NTNG1: variants seen among roughly 807,000 people sequenced by gnomAD.
The protein encoded by NTNG1 is netrin G1, also known as netrin-G1.
NTNG1 carries 16 observed loss-of-function variants against 54.0 expected under a neutral mutation model. That is an observed-to-expected ratio of 0.30 (90% CI 0.20 to 0.45). The LOEUF is 0.45. NTNG1 is among the 20% of genes least tolerant of loss of function. The probability of loss-of-function intolerance (pLI) is 1.00; values close to 1 mark genes in which losing one functional copy is unlikely to be tolerated. For missense variants in NTNG1, 530 were observed against 678.7 expected (o/e 0.78, Z 2.43); for synonymous variants, 255 against 263.1 (o/e 0.97, Z 0.30).
rs919783781 is a variant in NTNG1, at chr1:107,153,961, G to A, written c.246+5122G>A. Among the ~76,000 whole-genome samples the A allele has an allele frequency of 2.6e-5, 4 of 152,156 alleles. No homozygotes were observed. In the South Asian group the frequency reaches 6.2e-4, roughly 24 times the overall value. On this transcript the variant is annotated intron_variant, in intron 2 of 7. Transcript: ENST00000370068. ...TCATTTATTGTCCCAGATAGTGTGC[G>A]TAAGTGCTCTTTGTTGAGCTAATGC... is the stretch of plus-strand genomic sequence containing the variant.
chr1:107,148,483 C>A lies in NTNG1; in HGVS notation c.-111C>A, dbSNP rs1654303625. On this transcript the variant is annotated 5_prime_UTR_variant, in exon 2 of 8. Coordinates refer to ENST00000370068, the MANE Select transcript of NTNG1 (RefSeq NM_001113226.3). Reference sequence around the variant, plus strand: ...TTTAAAAAAAAATACAGAGACCTACCTACCCGTACGCATACATACATATGT... The same window carrying A: ...TTTAAAAAAAAATACAGAGACCTACATACCCGTACGCATACATACATATGT... 2.0e-6 allele frequency: 2 copies of A among 992,388 alleles called. No individual in the cohort carries two copies. Among genetic ancestry groups the A allele is most frequent in the Admixed American group, 2.3e-5 (1 of 43,842 alleles). 61.5% of individuals were successfully genotyped at this position (992,388 alleles called of 1,614,324 possible). A position where few individuals can be genotyped will look rare whatever the true frequency, so the allele number is the denominator to read the frequency against.
At chr1:107,376,615 A>G (rs944046567) in intron 3 of NTNG1, among the ~76,000 whole-genome samples, 1 of 152,028 alleles carries the variant, frequency 6.6e-6, no homozygotes, top group Admixed American at 6.6e-5. Flanking sequence ...TCAACTTTAG[A>G]ATTTACACTG....
At chr1:107,149,076 G>A (rs1654358418) in intron 2 of NTNG1, among the ~76,000 whole-genome samples, 1 of 152,012 alleles carries the variant, frequency 6.6e-6, no homozygotes, top group South Asian at 2.1e-4. Context: ...AAAACCTATA[G>A]TTTCACTGAG....
At chr1:107,282,746 A>G (rs979065127) in intron 2 of NTNG1, among the ~76,000 whole-genome samples, 3 of 152,154 alleles carry the variant, frequency 2.0e-5, no homozygotes, top group Non-Finnish European at 2.9e-5. Flanking sequence ...AAATTCCTGG[A>G]ATGGCCTAGT....
chr1:107,464,174 T>C lies in NTNG1; in HGVS notation c.1391-16437T>C, dbSNP rs112804416. Reference sequence around the variant, plus strand: ...CTTGTTGCCCATCTTGTGAATCTTTTCTTTCTTCGCAATCTGTGAATAAAC... The same window carrying C: ...CTTGTTGCCCATCTTGTGAATCTTTCCTTTCTTCGCAATCTGTGAATAAAC... On this transcript the variant is annotated intron_variant, in intron 7 of 7. Transcript: ENST00000370068. Among the ~76,000 whole-genome samples, 1,056 of 152,340 alleles carry C rather than the reference T, an allele frequency of 6.9e-3. 16 individuals are homozygous for C. Among genetic ancestry groups the C allele is most frequent in the African/African-American group, 0.023 (974 of 41,572 alleles).
intron 3 of NTNG1, among the ~76,000 whole-genome samples, chr1:107,332,056 C>T (rs148990178): frequency 1.8e-4 from 27 of 151,754 alleles, no homozygotes; most frequent in African/African-American, 5.5e-4. Flanking sequence ...AAGACTTTAT[C>T]GTATGCACCC....
intron 3 of NTNG1, among the ~76,000 whole-genome samples, chr1:107,364,894 A>G (rs1413810858): frequency 6.6e-6 from 1 of 152,200 alleles, no homozygotes; most frequent in Non-Finnish European, 1.5e-5. Context: ...TTTGTCTCCC[A>G]GTCCTCATTC....
At chr1:107,152,157 T>C (rs1294201947) in intron 2 of NTNG1, among the ~76,000 whole-genome samples, 2 of 152,112 alleles carry the variant, frequency 1.3e-5, no homozygotes, top group Admixed American at 1.3e-4. Context: ...TATATTCCTT[T>C]TGAGTTGATG....
chr1:107,270,506 T>G (rs1664070619), intron 2 of NTNG1, among the ~76,000 whole-genome samples: 1 of 152,194 alleles, frequency 6.6e-6, no homozygotes, highest in Non-Finnish European at 1.5e-5. Flanking sequence ...ATGATAGAAA[T>G]AAACAATTCC....
At chr1:107,234,883 C>A (rs868274622) in intron 2 of NTNG1, among the ~76,000 whole-genome samples, 16 of 152,128 alleles carry the variant, frequency 1.1e-4, no homozygotes, top group African/African-American at 1.9e-4. Flanking sequence ...ATGCATGGAA[C>A]AAGGGGACAG....
intron 7 of NTNG1, among the ~76,000 whole-genome samples, chr1:107,469,823 A>G (rs1401452527): frequency 2.6e-5 from 4 of 152,240 alleles, no homozygotes; most frequent in Non-Finnish European, 4.4e-5. Context: ...GACAGCAACA[A>G]TAAACAGGTA....
chr1:107,321,749 G>C (rs756044777), intron 2 of NTNG1, among the ~76,000 whole-genome samples: 14 of 152,038 alleles, frequency 9.2e-5, no homozygotes, highest in Non-Finnish European at 1.8e-4. Context: ...AGAAGATTAG[G>C]CTGTGTTTCC....
intron 2 of NTNG1, among the ~76,000 whole-genome samples, chr1:107,251,251 T>C (rs1349778297): frequency 6.6e-6 from 1 of 152,186 alleles, no homozygotes; most frequent in Non-Finnish European, 1.5e-5. Context: ...AAGGCTGAAA[T>C]GTGCATAATA....
intron 2 of NTNG1, among the ~76,000 whole-genome samples, chr1:107,153,507 T>A (rs1654744683): frequency 6.6e-6 from 1 of 152,222 alleles, no homozygotes; most frequent in South Asian, 2.1e-4. Flanking sequence ...AAAATGGAAT[T>A]TTTAAAAACC....
chr1:107,376,810 C>T (rs530607442), intron 3 of NTNG1, among the ~76,000 whole-genome samples: 1 of 152,236 alleles, frequency 6.6e-6, no homozygotes, highest in East Asian at 1.9e-4. Flanking sequence ...TTTTGCTGCC[C>T]CCCCAGCCAC....
intron 5 of NTNG1, chr1:107,430,534 CT>C (rs2101326180): frequency 1.5e-6 from 1 of 672,944 alleles, no homozygotes; most frequent in Non-Finnish European, 2.7e-6. Context: ...AATCTTCAGT[CT>C]TGTTCCGAAT....
intron 2 of NTNG1, among the ~76,000 whole-genome samples, chr1:107,321,492 A>G (rs1667658303): frequency 6.6e-6 from 1 of 151,998 alleles, no homozygotes; most frequent in African/African-American, 2.4e-5. Flanking sequence ...TTAAAGAACT[A>G]AAACTGGGTT....
intron 2 of NTNG1, among the ~76,000 whole-genome samples, chr1:107,195,515 G>A (rs892891092): frequency 6.6e-5 from 10 of 151,824 alleles, no homozygotes; most frequent in African/African-American, 2.2e-4. Context: ...CATTTCACAT[G>A]GGTAAAAGCC....
At chr1:107,416,364 C>A (rs188794002) in intron 5 of NTNG1, among the ~76,000 whole-genome samples, 28 of 151,892 alleles carry the variant, frequency 1.8e-4, no homozygotes, top group African/African-American at 6.3e-4. Context: ...GCTTCCCCCA[C>A]CCAAGAAAAT....
Sources: allele counts gnomAD v4.1 joint callset (sites outside exome capture counted in the v4.1 genomes callset), GRCh38; gene constraint gnomAD v4.1.1; transcripts MANE v1.5; gene names NCBI Gene and HGNC (gene_info 2026-07-23, HGNC 2026-07-21).